Variants in ITGB4 observed in about 807,000 individuals in gnomAD.
ITGB4 encodes the protein integrin subunit beta 4.
A neutral mutation model predicts 207.6 loss-of-function variants in ITGB4; 159 were observed. That is an observed-to-expected ratio of 0.77 (90% CI 0.67 to 0.87). The LOEUF (loss-of-function observed/expected upper bound fraction) is 0.87. ITGB4 is among the 40% of genes least tolerant of loss of function. The pLI, the probability that ITGB4 is intolerant of heterozygous loss-of-function variation, is 0.00. For missense variants in ITGB4, 2,278 were observed against 2,546.8 expected (o/e 0.89, Z 2.27); for synonymous variants, 1,020 against 1,062.7 (o/e 0.96, Z 0.78).
intron 34 of ITGB4, 53 bp downstream of exon 34, chr17:75,754,868 G>C: frequency 6.2e-7 from 1 of 1,612,270 alleles, no homozygotes; most frequent in Non-Finnish European, 8.5e-7. Flanking sequence ...CTCTCTTCCA[G>C]CTCCTGGAGC....
chr17:75,755,144 C>T (rs2061466291), intron 34 of ITGB4: 2 of 1,611,772 alleles, frequency 1.2e-6, no homozygotes, highest in Admixed American at 1.7e-5. Context: ...GAAAGGGTTC[C>T]CCCCTTCCAG....
chr17:75,748,136 G>A (rs1236042625), intron 26 of ITGB4, among the ~76,000 whole-genome samples: 3 of 147,090 alleles, frequency 2.0e-5, no homozygotes, highest in African/African-American at 7.4e-5. Flanking sequence ...CAAGGTGGGC[G>A]GATCGCTTGA....
chr17:75,750,280 G>A lies in ITGB4; in HGVS notation c.3474+12G>A. 6.2e-7 allele frequency: 1 copy of A among 1,604,508 alleles called. No individual in the cohort carries two copies. Among genetic ancestry groups the A allele is most frequent in the African/African-American group, 1.3e-5 (1 of 74,858 alleles). On this transcript the variant is annotated intron_variant, in intron 28 of 39. Coordinates refer to ENST00000200181, the MANE Select transcript of ITGB4 (RefSeq NM_000213.5). This position sits in a 1 kb window ranked among gnomAD's most constrained non-coding sequence, Gnocchi z 5.5. Reference sequence around the variant, plus strand: ...CAATGGGGTACAGGGTAAGGCGGGGGGCTGAGGGTCACGACAGGTGGATGG... The same window carrying A: ...CAATGGGGTACAGGGTAAGGCGGGGAGCTGAGGGTCACGACAGGTGGATGG...
intron 26 of ITGB4, 117 bp downstream of exon 26, chr17:75,743,978 C>A: frequency 1.6e-6 from 2 of 1,216,670 alleles, no homozygotes; most frequent in Admixed American, 2.3e-5. Context: ...ACTGGCCGTG[C>A]CCCTGGCTGG....
intron 30 of ITGB4, 82 bp from the exon 31 acceptor site, chr17:75,752,092 A>G: frequency 6.9e-7 from 1 of 1,453,990 alleles, no homozygotes. Flanking sequence ...CAGGGGATGC[A>G]CGGCCGTCCT....
chr17:75,739,997 G>T lies in ITGB4; in HGVS notation c.2372G>T (p.Arg791Leu). 6.2e-7 allele frequency: 1 copy of T among 1,613,232 alleles called. No individual in the cohort carries two copies. Among genetic ancestry groups the T allele is most frequent in the Non-Finnish European group, 8.5e-7 (1 of 1,180,032 alleles). ...AACCTCAAGGGCCGTGACGTGGTCC[G>T]CTGGAAGGTCACCAACAACATGCAG... ...SGNLKGRDVV[R>L]WKVTNNMQRP... Residue 791 changes from arginine to leucine, a missense_variant, in exon 20 of 40, where the codon CGC becomes CTC. Physicochemically the swap from Arg to Leu is moderately radical, Grantham distance 102. Coordinates refer to ENST00000200181, the MANE Select transcript of ITGB4 (RefSeq NM_000213.5). The surrounding 1 kb of genome is among the most constrained non-coding windows in gnomAD (Gnocchi z 5.4).
chr17:75,735,354 T>C (rs2060950158), intron 13 of ITGB4, among the ~76,000 whole-genome samples: 1 of 150,274 alleles, frequency 6.7e-6, no homozygotes, highest in South Asian at 2.1e-4. Context: ...TCCCAAAGTG[T>C]GGGATTACAG....
chr17:75,737,604 T>A lies in ITGB4; in HGVS notation c.2180T>A (p.Leu727Gln). The A allele has an allele frequency of 6.2e-7, 1 of 1,613,130 alleles. No homozygotes were observed. Among genetic ancestry groups the A allele is most frequent in the Non-Finnish European group, 8.5e-7 (1 of 1,179,626 alleles). Residue 727 changes from leucine (L) to glutamine (Q), a missense_variant, in exon 18 of 40, where the codon CTG becomes CAG. By Grantham distance (113) the Leu-to-Gln change is moderately radical. Transcript: ENST00000200181. ...LLLLLLPLLA[L>Q]LLLLCWKYCA... ...CTCCTCCTCCTGCCGCTCCTGGCCC[T>A]GCTACTGCTGCTATGCTGGAAGTAC... is the stretch of plus-strand genomic sequence containing the variant.
In ITGB4 at chr17:75,732,801, A is replaced by G. The variant is rs1009400972; in HGVS notation, c.1454+562A>G. On this transcript the variant is annotated intron_variant, in intron 12 of 39. Transcript: ENST00000200181. This position sits in a 1 kb window ranked among gnomAD's most constrained non-coding sequence, Gnocchi z 5.3. ...AGTTTCCTCATCTGTAAAATGGGAC[A>G]GCAGGCCAGGCGAGGTGGCTCACAC... Among the ~76,000 whole-genome samples the G allele has an allele frequency of 6.6e-6, 1 of 152,182 alleles. No homozygotes were observed. Among genetic ancestry groups the G allele is most frequent in the Non-Finnish European group, 1.5e-5 (1 of 68,010 alleles).
In ITGB4 at chr17:75,757,563, C is replaced by T; in HGVS notation, c.*8C>T. ...CAGTTCTTCCAAACTTGACCGCACCCTGCCCCACCCCCGCCACGTCCCACT... is the reference window on the plus strand; with the variant it reads ...CAGTTCTTCCAAACTTGACCGCACCTTGCCCCACCCCCGCCACGTCCCACT... On this transcript the variant is annotated 3_prime_UTR_variant, in exon 40 of 40. Coordinates refer to ENST00000200181, the MANE Select transcript of ITGB4 (RefSeq NM_000213.5). 6.2e-7 allele frequency: 1 copy of T among 1,613,316 alleles called. No individual in the cohort carries two copies. Among genetic ancestry groups the T allele is most frequent in the Non-Finnish European group, 8.5e-7 (1 of 1,179,916 alleles).
chr17:75,755,002 A>T, intron 34 of ITGB4, 187 bp downstream of exon 34: 1 of 1,563,730 alleles, frequency 6.4e-7, no homozygotes, highest in Non-Finnish European at 8.7e-7. Context: ...GCACACGTAC[A>T]CACATGCATG....
At position 75,732,339 on chromosome 17, in the gene ITGB4, T is replaced by C; in HGVS notation, c.1454+100T>C. The C allele has an allele frequency of 8.8e-7, 1 of 1,132,274 alleles. No homozygotes were observed. The highest frequency in any genetic ancestry group is 1.8e-5 in the Admixed American group (1 of 56,768). 70.1% of individuals were successfully genotyped at this position (1,132,274 alleles called of 1,614,324 possible). On this transcript the variant is annotated intron_variant, in intron 12 of 39. Transcript: ENST00000200181. The surrounding 1 kb of genome is among the most constrained non-coding windows in gnomAD (Gnocchi z 5.3). ...TGGCCCTGGGTGCACCTTGTACACC[T>C]GGCTGGGGGTGGGGCGGCAATCAAA...
chr17:75,735,670 C>T (rs2060960512), intron 13 of ITGB4, among the ~76,000 whole-genome samples: 1 of 152,184 alleles, frequency 6.6e-6, no homozygotes, highest in Non-Finnish European at 1.5e-5. Context: ...CTCAGCCTCC[C>T]AAAGTGCTGG....
rs1393516759 is a variant in ITGB4, at chr17:75,725,839, C to T, written c.79+1057C>T. On this transcript the variant is annotated intron_variant, in intron 2 of 39. Coordinates refer to ENST00000200181, the MANE Select transcript of ITGB4 (RefSeq NM_000213.5). ...TAAACAAGACACCATTCCCTTCACC[C>T]TAGAAGGGGCTCAGAGGACAGACAG... Among the ~76,000 whole-genome samples the T allele has an allele frequency of 2.6e-5, 4 of 152,224 alleles. No homozygotes were observed. In the South Asian group the frequency reaches 6.2e-4, roughly 24 times the overall value.
intron 14 of ITGB4, 55 bp from the exon 15 acceptor site, chr17:75,736,233 G>A: frequency 1.9e-6 from 3 of 1,603,522 alleles, no homozygotes; most frequent in East Asian, 4.5e-5. Flanking sequence ...AGAGAGGAGA[G>A]GGAGCAGGCA....
Position 75,740,432 on chromosome 17 carries a change from G to A in ITGB4, c.2521G>A (p.Ala841Thr), listed in dbSNP as rs199531912. 1.2e-4 allele frequency: 190 copies of A among 1,613,818 alleles called. 1 individual carries two copies. The South Asian group carries it at 1.7e-3, about 14-fold the overall frequency. Residue 841 changes from alanine to threonine, a missense_variant, in exon 21 of 40, where the codon GCC becomes ACC. Physicochemically the swap from Ala to Thr is moderately conservative, Grantham distance 58. Transcript: ENST00000200181. This position sits in a 1 kb window ranked among gnomAD's most constrained non-coding sequence, Gnocchi z 5.9. ...GCTGAAGCCTGACACTCGGGAGTGC[G>A]CCCAGCTGCGCCAGGAGGTGGAGGA... The part of the protein sequence containing the change: ...NLLKPDTREC[A>T]QLRQEVEENL...
intron 34 of ITGB4, 146 bp downstream of exon 34, chr17:75,754,961 C>CATAT (rs3988219): frequency 3.3e-6 from 5 of 1,531,474 alleles, no homozygotes; most frequent in South Asian, 1.1e-5. Context: ...CACGTGCACA[C>CATAT]GCATGCACAC....
chr17:75,740,926 G>C lies in ITGB4; in HGVS notation c.2610-56G>C, dbSNP rs1476966091. 2 of 1,613,236 alleles carry C rather than the reference G, an allele frequency of 1.2e-6. No individual in the cohort carries two copies. The highest frequency in any genetic ancestry group is 2.7e-5 in the African/African-American group (2 of 74,912). The stretch of plus-strand genomic sequence containing the variant: ...CTCCAGGAGCCGAAGCCCCCAGGCC[G>C]ATCAGGCCTCCACTTCAGGGCTATC... On this transcript the variant is annotated intron_variant, in intron 22 of 39. Coordinates refer to ENST00000200181, the MANE Select transcript of ITGB4 (RefSeq NM_000213.5). The surrounding 1 kb of genome is among the most constrained non-coding windows in gnomAD (Gnocchi z 5.9).
intron 2 of ITGB4, among the ~76,000 whole-genome samples, chr17:75,725,453 C>T (rs1385116627): frequency 6.6e-6 from 1 of 152,206 alleles, no homozygotes; most frequent in Non-Finnish European, 1.5e-5. Context: ...GCTAGGACCA[C>T]AGGCATGCAC....
Sources: allele counts gnomAD v4.1 joint callset (sites outside exome capture counted in the v4.1 genomes callset), GRCh38; gene constraint gnomAD v4.1.1; non-coding constraint Gnocchi (gnomAD v3.1); transcripts MANE v1.5; gene names NCBI Gene and HGNC (gene_info 2026-07-23, HGNC 2026-07-21).